Variants in UTS2 observed in about 807,000 individuals in gnomAD.
UTS2 encodes the protein urotensin 2, also known as urotensin-2.
Under a neutral mutation model 12.6 loss-of-function variants are expected in UTS2, and 10 were observed. The ratio of observed to expected loss-of-function variants is 0.80; its 90% CI spans 0.49 to 1.35. The LOEUF (loss-of-function observed/expected upper bound fraction) is 1.35, where lower values mean the gene tolerates loss of function less well. Ranked by LOEUF, UTS2 falls within the 40% of genes most tolerant of loss-of-function variation. The pLI is 0.00. For synonymous variants in UTS2, 52 were observed against 50.0 expected (o/e 1.04, Z -0.17); for missense variants, 142 against 143.2 (o/e 0.99, Z 0.04).
chr1:7,875,131 G>A, the UTS2 span, among the ~76,000 whole-genome samples: 4 of 150,938 alleles, frequency 2.7e-5, no homozygotes, highest in East Asian at 7.8e-4. Context: ...CTGGAGTGCA[G>A]TGGCGCGATC....
At chr1:7,909,473 G>A in the UTS2 span, among the ~76,000 whole-genome samples, 1 of 149,346 alleles carries the variant, frequency 6.7e-6, no homozygotes, top group African/African-American at 2.5e-5. Flanking sequence ...GAACCCAGGA[G>A]GTGGAGGTCG....
chr1:7,870,354 C>T, the UTS2 span, among the ~76,000 whole-genome samples: 2 of 152,278 alleles, frequency 1.3e-5, no homozygotes, highest in African/African-American at 4.8e-5. Context: ...TGTGGGGAAC[C>T]AGCCCTGCCA....
the UTS2 span, among the ~76,000 whole-genome samples, chr1:7,890,447 T>A: frequency 6.6e-6 from 1 of 152,120 alleles, no homozygotes; most frequent in Non-Finnish European, 1.5e-5. Context: ...TAGGAAGCCC[T>A]ATAATAGGAA....
At chr1:7,861,302 A>G in the UTS2 span, among the ~76,000 whole-genome samples, 2 of 151,866 alleles carry the variant, frequency 1.3e-5, no homozygotes, top group Non-Finnish European at 2.9e-5. Context: ...TGCCTGTTAA[A>G]CCCCTGGGAG....
chr1:7,858,170 C>T (rs143931114), upstream of UTS2, among the ~76,000 whole-genome samples: 16 of 152,274 alleles, frequency 1.1e-4, no homozygotes, highest in East Asian at 1.4e-3. Context: ...TAAAGGCTTA[C>T]GCTTAAAAGA....
At chr1:7,880,364 T>C in the UTS2 span, among the ~76,000 whole-genome samples, 126 of 149,184 alleles carry the variant, frequency 8.4e-4, 1 homozygote, top group Admixed American at 2.0e-3. Context: ...AAATGTGACT[T>C]TTTGAAAATA....
chr1:7,893,738 C>T, the UTS2 span, among the ~76,000 whole-genome samples: 1 of 152,138 alleles, frequency 6.6e-6, no homozygotes, highest in African/African-American at 2.4e-5. Flanking sequence ...AGTGGGTGCA[C>T]CTAACACGGT....
the UTS2 span, among the ~76,000 whole-genome samples, chr1:7,871,202 G>A: frequency 6.6e-6 from 1 of 152,186 alleles, no homozygotes; most frequent in Non-Finnish European, 1.5e-5. Context: ...GTCTTGATCT[G>A]GTGCCATCAT....
chr1:7,854,555 A>G (rs1447433753), upstream of UTS2, among the ~76,000 whole-genome samples: 5 of 150,434 alleles, frequency 3.3e-5, no homozygotes, highest in East Asian at 9.8e-4. Context: ...TTACAACGTA[A>G]TGATAGAACT....
At chr1:7,857,592 C>A (rs528884896), upstream of UTS2, among the ~76,000 whole-genome samples, 4 of 152,100 alleles carry the variant, frequency 2.6e-5, no homozygotes, top group African/African-American at 9.6e-5. Context: ...GTGGCTCCCA[C>A]CTGTAATCCT....
At chr1:7,873,910 T>C in the UTS2 span, among the ~76,000 whole-genome samples, 1 of 152,106 alleles carries the variant, frequency 6.6e-6, no homozygotes, top group African/African-American at 2.4e-5. Context: ...GCAAACCTCA[T>C]CATTGTCTTA....
upstream of UTS2, chr1:7,853,275 A>G (rs199972403): frequency 3.0e-4 from 483 of 1,613,448 alleles, 5 homozygotes; most frequent in Middle Eastern, 0.015. Context: ...AAGAACAGTG[A>G]GTTTATAAAT....
At chr1:7,889,460 A>G in the UTS2 span, among the ~76,000 whole-genome samples, 4,182 of 145,930 alleles carry the variant, frequency 0.029, 207 homozygotes, top group African/African-American at 0.1. Flanking sequence ...AAAAAAAAAA[A>G]AAAGAAAAGA....
At chr1:7,868,483 A>G in the UTS2 span, among the ~76,000 whole-genome samples, 1 of 152,188 alleles carries the variant, frequency 6.6e-6, no homozygotes, top group Admixed American at 6.5e-5. Context: ...TGTGGACCTC[A>G]GGGAACTGAC....
the UTS2 span, among the ~76,000 whole-genome samples, chr1:7,869,610 A>G: frequency 6.6e-6 from 1 of 152,192 alleles, no homozygotes; most frequent in Non-Finnish European, 1.5e-5. Context: ...AATGTCCATC[A>G]CCATCCTGGT....
the UTS2 span, among the ~76,000 whole-genome samples, chr1:7,885,382 G>A: frequency 8.5e-5 from 13 of 152,188 alleles, no homozygotes; most frequent in East Asian, 9.7e-4. Context: ...GGACAATGGC[G>A]GCCCAAACGG....
the UTS2 span, among the ~76,000 whole-genome samples, chr1:7,906,898 C>T: frequency 6.6e-6 from 1 of 152,118 alleles, no homozygotes; most frequent in Admixed American, 6.6e-5. Context: ...CCCATCATTG[C>T]AATCAGAGAG....
upstream of UTS2, among the ~76,000 whole-genome samples, chr1:7,854,357 AGAG>A (rs1249655772): frequency 2.1e-4 from 18 of 83,930 alleles, no homozygotes; most frequent in African/African-American, 4.7e-4. Context: ...AAAAAAAAAA[AGAG>A]AAGGAGAAAC....
At chr1:7,859,986 G>A in the UTS2 span, among the ~76,000 whole-genome samples, 2 of 138,560 alleles carry the variant, frequency 1.4e-5, no homozygotes, top group East Asian at 2.0e-4. Context: ...GCGACAGAGC[G>A]AGATCCTGTC....
Sources: gnomAD v4.1 joint callset for allele counts (sites outside exome capture counted in the v4.1 genomes callset) on GRCh38, gnomAD v4.1.1 for gene constraint, MANE v1.5 for transcripts, NCBI Gene and HGNC (gene_info 2026-07-23, HGNC 2026-07-21) for gene names.